Variants in NLGN4Y observed in about 807,000 individuals in gnomAD.
The protein encoded by NLGN4Y is neuroligin-4, Y-linked.
In NLGN4Y, 4 loss-of-function variants were observed where a neutral mutation model predicts 8.4. The observed-to-expected ratio is 0.48, with a 90% CI of 0.23 to 1.09. NLGN4Y has a LOEUF of 1.09. Among genes scored for constraint, NLGN4Y ranks in the 50% least tolerant of loss-of-function variants. The probability of loss-of-function intolerance (pLI) is 0.19; values close to 1 mark genes in which losing one functional copy is unlikely to be tolerated. For synonymous variants in NLGN4Y, 35 were observed against 75.6 expected (o/e 0.46, Z 2.78); for missense variants, 90 against 192.3 (o/e 0.47, Z 3.15).
At chrY:14,645,641 G>T (rs2080608205) in intron 2 of NLGN4Y, among the ~76,000 whole-genome samples, 1 of 33,448 alleles carries the variant, frequency 3.0e-5, no homozygotes, top group South Asian at 6.6e-4. Flanking sequence ...GTATTTCTGT[G>T]TTCAATTAAA....
At chrY:14,646,037 T>A in intron 2 of NLGN4Y, among the ~76,000 whole-genome samples, 1 of 32,884 alleles carries the variant, frequency 3.0e-5, no homozygotes, top group Non-Finnish European at 7.5e-5. Flanking sequence ...GATGACCAGA[T>A]GACGATGGTG....
At chrY:14,740,909 T>C in intron 4 of NLGN4Y, among the ~76,000 whole-genome samples, 1 of 32,834 alleles carries the variant, frequency 3.0e-5, no homozygotes, top group African/African-American at 1.2e-4. Context: ...GCCCAAACTA[T>C]ACTTTTTTTT....
chrY:14,602,873 A>T, intron 1 of NLGN4Y, among the ~76,000 whole-genome samples: 2 of 32,689 alleles, frequency 6.1e-5, no homozygotes, highest in African/African-American at 2.4e-4. Flanking sequence ...AACAACACAT[A>T]ATGTGGCCTG....
intron 4 of NLGN4Y, among the ~76,000 whole-genome samples, chrY:14,755,606 A>G (rs923789559): frequency 2.9e-5 from 1 of 34,061 alleles, no homozygotes. Context: ...CAAGACAGGA[A>G]AATCACTTGA....
intron 4 of NLGN4Y, among the ~76,000 whole-genome samples, chrY:14,793,390 C>T (rs2042994699): frequency 3.0e-5 from 1 of 33,344 alleles, no homozygotes; most frequent in African/African-American, 1.2e-4. Context: ...CATCTTCATC[C>T]CTCTCTGGAG....
At chrY:14,782,805 C>T (rs772573522) in intron 4 of NLGN4Y, among the ~76,000 whole-genome samples, 27 of 33,833 alleles carry the variant, frequency 8.0e-4, no homozygotes, top group African/African-American at 3.1e-3. Context: ...TCTCTTTCAA[C>T]AGAAACCTAA....
chrY:14,667,066 A>G, intron 2 of NLGN4Y, among the ~76,000 whole-genome samples: 1 of 31,917 alleles, frequency 3.1e-5, no homozygotes, highest in Non-Finnish European at 7.6e-5. Flanking sequence ...AGTCAGATTC[A>G]TATCTTTAAA....
intron 1 of NLGN4Y, among the ~76,000 whole-genome samples, chrY:14,548,219 TAGG>T (rs2080179374): frequency 3.1e-5 from 1 of 32,588 alleles, no homozygotes; most frequent in Non-Finnish European, 7.5e-5. Context: ...GTGGCCAAAG[TAGG>T]AGGATGACTT....
chrY:14,722,498 AC>A (rs2080938295), intron 3 of NLGN4Y, among the ~76,000 whole-genome samples: 1 of 32,603 alleles, frequency 3.1e-5, no homozygotes, highest in Non-Finnish European at 7.5e-5. Flanking sequence ...TTACCTAAAA[AC>A]TTTTCTTTTA....
intron 4 of NLGN4Y, among the ~76,000 whole-genome samples, chrY:14,778,034 T>TATAAATAA (rs200967958): frequency 0.028 from 576 of 20,923 alleles, no homozygotes; most frequent in Non-Finnish European, 0.039. Context: ...CCTGTCTCTG[T>TATAAATAA]ATAAATAAAT....
chrY:14,581,706 C>A, intron 1 of NLGN4Y, among the ~76,000 whole-genome samples: 2 of 34,232 alleles, frequency 5.8e-5, no homozygotes, highest in African/African-American at 1.1e-4. Context: ...TGATTATCAG[C>A]TCTAGAAGTT....
chrY:14,721,484 T>A, intron 3 of NLGN4Y, among the ~76,000 whole-genome samples: 1 of 33,454 alleles, frequency 3.0e-5, no homozygotes, highest in African/African-American at 1.2e-4. Context: ...GGATTAAATA[T>A]CTGCAAATAA....
intron 4 of NLGN4Y, among the ~76,000 whole-genome samples, chrY:14,746,111 T>G: frequency 6.0e-5 from 2 of 33,226 alleles, no homozygotes; most frequent in Non-Finnish European, 1.5e-4. Flanking sequence ...CTTGTGTGGC[T>G]GGTAATGGAG....
At chrY:14,552,308 A>G (rs2080195763) in intron 1 of NLGN4Y, among the ~76,000 whole-genome samples, 1 of 33,565 alleles carries the variant, frequency 3.0e-5, no homozygotes, top group Non-Finnish European at 7.4e-5. Flanking sequence ...TAAAAAAAGC[A>G]CAGGACCAGA....
intron 1 of NLGN4Y, among the ~76,000 whole-genome samples, chrY:14,576,402 T>A (rs912906691): frequency 2.7e-4 from 9 of 33,626 alleles, no homozygotes; most frequent in African/African-American, 9.3e-4. Flanking sequence ...GCGCAGGATA[T>A]AATCTTCTGG....
chrY:14,578,237 CCAT>C (rs1445589457), intron 1 of NLGN4Y, among the ~76,000 whole-genome samples: 11 of 31,074 alleles, frequency 3.5e-4, no homozygotes, highest in East Asian at 8.6e-4. Context: ...ATAATAATTG[CCAT>C]CATCATCATC....
At chrY:14,800,177 C>T (rs2043025629) in intron 4 of NLGN4Y, among the ~76,000 whole-genome samples, 1 of 32,804 alleles carries the variant, frequency 3.0e-5, no homozygotes, top group Non-Finnish European at 7.5e-5. Flanking sequence ...GATAGTTGAA[C>T]CAGAAGTTTA....
At chrY:14,686,363 A>G (rs944594972) in intron 2 of NLGN4Y, among the ~76,000 whole-genome samples, 12 of 32,751 alleles carry the variant, frequency 3.7e-4, no homozygotes, top group Non-Finnish European at 6.8e-4. Context: ...CATCCTTCAT[A>G]GTCACTTCTT....
rs560445326 is a variant in NLGN4Y at position 14,639,847 on chromosome Y, A to G, written c.472+17256A>G. On this transcript the variant is annotated intron_variant, in intron 2 of 6. Coordinates refer to ENST00000684976, the MANE Select transcript of NLGN4Y (RefSeq NM_001365588.1). Reference sequence around the variant, plus strand: ...GAGTGGCCTCAGACTCACCAAGCCTATATTTTACACACGGCACCTACAGAG... The same window carrying G: ...GAGTGGCCTCAGACTCACCAAGCCTGTATTTTACACACGGCACCTACAGAG... 861 of 117,768 alleles carry G rather than the reference A, an allele frequency of 7.3e-3. No homozygotes were observed. In the East Asian group the frequency reaches 0.15, roughly 21 times the overall value. 29.4% of individuals were successfully genotyped at this position (117,768 alleles called of 400,897 possible).
Sources: gnomAD v4.1 joint callset for allele counts (sites outside exome capture counted in the v4.1 genomes callset) on GRCh38, gnomAD v4.1.1 for gene constraint, MANE v1.5 for transcripts, NCBI Gene and HGNC (gene_info 2026-07-23, HGNC 2026-07-21) for gene names.